The following ZNF540 variants were observed in gnomAD, a reference collection of about 807,000 sequenced individuals.
The protein encoded by ZNF540 is CTD-3064H18.6.
In ZNF540, 3 loss-of-function variants were observed where a neutral mutation model predicts 11.8. The observed-to-expected ratio is 0.25, with a 90% CI of 0.12 to 0.65. The LOEUF is 0.65. ZNF540 is among the 30% of genes least tolerant of loss of function. The probability of loss-of-function intolerance (pLI) is 0.83; values close to 1 mark genes in which losing one functional copy is unlikely to be tolerated. For synonymous variants in ZNF540, 247 were observed against 259.0 expected, an observed-to-expected ratio of 0.95 and a Z score of 0.45; for missense variants, 709 against 793.1, an observed-to-expected ratio of 0.89 and a Z score of 1.27.
chr19:37,557,640 T>C (rs944761160), intron 1 of ZNF540, among the ~76,000 whole-genome samples: 31 of 152,308 alleles, frequency 2.0e-4, no homozygotes, highest in African/African-American at 7.2e-4. Context: ...GAAGATCGGA[T>C]GGGCCAGTTT....
At position 37,555,568 on chromosome 19, in the gene ZNF540, G is replaced by A. The variant is rs375313137; in HGVS notation, c.-73+3903G>A. ...ATGTTGTTTTCTCGTTCCTGTTGGC[G>A]CCTATCTAGATTTTCTCGAACTTTT... On this transcript the variant is annotated intron_variant, in intron 1 of 4. Transcript: ENST00000592533. 4.2e-4 allele frequency: 111 copies of A among 265,244 alleles called. 1 individual carries two copies. The Middle Eastern group carries it at 5.3e-3, about 13-fold the overall frequency. 16.4% of individuals were successfully genotyped at this position (265,244 alleles called of 1,614,324 possible). A position where few individuals can be genotyped will look rare whatever the true frequency, so the allele number is the denominator to read the frequency against.
chr19:37,598,399 A>C lies in ZNF540; in HGVS notation c.-49A>C, dbSNP rs1433535641. The C allele has an allele frequency of 6.2e-7, 1 of 1,610,310 alleles. No homozygotes were observed. Among genetic ancestry groups the C allele is most frequent in the East Asian group, 2.2e-5 (1 of 44,850 alleles). On this transcript the variant is annotated 5_prime_UTR_variant, in exon 2 of 5. Transcript: ENST00000316433. ...AGGCTTCTCAGAACTTTGCTTCTCC[A>C]GCAGAATAATCCTGCGGAAGACTGA...
chr19:37,567,049 T>G (rs536885988), intron 1 of ZNF540, among the ~76,000 whole-genome samples: 1 of 152,300 alleles, frequency 6.6e-6, no homozygotes, highest in East Asian at 1.9e-4. Flanking sequence ...TGCCTACAGT[T>G]TTGTCTTTAG....
intron 1 of ZNF540, among the ~76,000 whole-genome samples, chr19:37,595,694 T>C (rs1162991344): frequency 6.6e-6 from 1 of 152,216 alleles, no homozygotes; most frequent in East Asian, 1.9e-4. Context: ...TGCTTTTTAA[T>C]AGGAATTTCT....
chr19:37,579,161 G>A (rs944752591), intron 1 of ZNF540, among the ~76,000 whole-genome samples: 4 of 152,154 alleles, frequency 2.6e-5, no homozygotes, highest in African/African-American at 9.7e-5. Context: ...ATGAGAGTTC[G>A]ACCAGTGACC....
rs2044151117 is a variant in ZNF540, at chr19:37,613,744, A to G, written c.*481A>G. ...GATGACAAATTTGGAAAAACCACTCATCACTTACATTTCATGAAGTACTTC... is the reference window on the plus strand; with the variant it reads ...GATGACAAATTTGGAAAAACCACTCGTCACTTACATTTCATGAAGTACTTC... On this transcript the variant is annotated 3_prime_UTR_variant, in exon 5 of 5. Coordinates refer to ENST00000316433, the MANE Select transcript of ZNF540 (RefSeq NM_001172225.3). 2.5e-6 allele frequency: 1 copy of G among 398,574 alleles called. No homozygotes were observed. The allele number at this position is 398,574 out of a possible 1,614,324, so 24.7% of individuals were successfully genotyped here.
intron 4 of ZNF540, among the ~76,000 whole-genome samples, chr19:37,601,638 G>A (rs895408670): frequency 3.3e-5 from 5 of 152,204 alleles, no homozygotes; most frequent in Non-Finnish European, 5.9e-5. Context: ...AACCTATGAA[G>A]GGTAAAGAGA....
rs2042989570 is a variant in ZNF540, at chr19:37,569,661, G to A, written c.-73+17996G>A. 6.6e-6 allele frequency among the ~76,000 whole-genome samples: 1 copy of A among 152,134 alleles called. No individual in the cohort carries two copies. Among genetic ancestry groups the A allele is most frequent in the Non-Finnish European group, 1.5e-5 (1 of 68,032 alleles). On this transcript the variant is annotated intron_variant, in intron 1 of 4. Coordinates refer to the ZNF540 transcript ENST00000592533. This position sits in a 1 kb window ranked among gnomAD's most constrained non-coding sequence, Gnocchi z 4.4. Reference sequence around the variant, plus strand: ...GCAGGTTCTGCCCGGCCTGGCTCCAGTCAACCTCTCCGACTCCCTTGTGGC... The same window carrying A: ...GCAGGTTCTGCCCGGCCTGGCTCCAATCAACCTCTCCGACTCCCTTGTGGC...
chr19:37,607,938 A>G (rs2044097352), intron 4 of ZNF540, among the ~76,000 whole-genome samples: 1 of 152,218 alleles, frequency 6.6e-6, no homozygotes, highest in African/African-American at 2.4e-5. Context: ...AATGAATGAG[A>G]GTTCCTGTTG....
chr19:37,595,569 T>G (rs1457266755), intron 1 of ZNF540: 2 of 152,084 alleles, frequency 1.3e-5, no homozygotes, highest in East Asian at 3.8e-4. Context: ...TGTGTGAGCA[T>G]AATATGGTGA....
intron 1 of ZNF540, chr19:37,564,462 G>GAAA: frequency 1.4e-6 from 1 of 690,224 alleles, no homozygotes; most frequent in Non-Finnish European, 2.1e-6. Context: ...AGGGGTTTCT[G>GAAA]AAATTATTCT....
intron 1 of ZNF540, chr19:37,562,779 T>C (rs1197390659): frequency 6.6e-6 from 1 of 152,236 alleles, no homozygotes; most frequent in Non-Finnish European, 1.5e-5. Flanking sequence ...ATCTGTTCCT[T>C]AAAGCATAGA....
intron 4 of ZNF540, among the ~76,000 whole-genome samples, chr19:37,607,036 T>C (rs1204717719): frequency 1.3e-5 from 2 of 152,080 alleles, no homozygotes; most frequent in Non-Finnish European, 2.9e-5. Flanking sequence ...TCTTTATATA[T>C]CTTATAATCA....
intron 1 of ZNF540, among the ~76,000 whole-genome samples, chr19:37,588,993 A>G (rs1454745171): frequency 6.6e-6 from 1 of 152,164 alleles, no homozygotes; most frequent in African/African-American, 2.4e-5. Flanking sequence ...TGAGGTCAGC[A>G]GTTCACCGTC....
At chr19:37,552,600 T>A (rs2042617293) in intron 1 of ZNF540, among the ~76,000 whole-genome samples, 1 of 152,204 alleles carries the variant, frequency 6.6e-6, no homozygotes. Flanking sequence ...TATAGTATTA[T>A]AAAATATGCC....
At chr19:37,556,910 G>T (rs2042666116) in intron 1 of ZNF540, among the ~76,000 whole-genome samples, 1 of 152,162 alleles carries the variant, frequency 6.6e-6, no homozygotes, top group Non-Finnish European at 1.5e-5. Flanking sequence ...CCTGCCCAGA[G>T]CTCTGGGCTC....
intron 1 of ZNF540, among the ~76,000 whole-genome samples, chr19:37,568,945 C>T (rs1171864344): frequency 6.6e-6 from 1 of 151,736 alleles, no homozygotes; most frequent in Admixed American, 6.6e-5. Context: ...TGCTGACACT[C>T]GGGAAGCCCA....
chr19:37,565,321 C>G, intron 1 of ZNF540: 1 of 1,611,970 alleles, frequency 6.2e-7, no homozygotes, highest in Middle Eastern at 1.7e-4. Context: ...AAAAGGTCTT[C>G]CCGCATTCTT....
chr19:37,584,733 C>A (rs1019673036), intron 1 of ZNF540, among the ~76,000 whole-genome samples: 2 of 151,912 alleles, frequency 1.3e-5, no homozygotes, highest in South Asian at 2.1e-4. Flanking sequence ...GAGGCCGAGG[C>A]GGGCGGATCA....
Sources: allele counts gnomAD v4.1 joint callset (sites outside exome capture counted in the v4.1 genomes callset), GRCh38; gene constraint gnomAD v4.1.1; non-coding constraint Gnocchi (gnomAD v3.1); transcripts MANE v1.5; gene names NCBI Gene and HGNC (gene_info 2026-07-23, HGNC 2026-07-21).